Variants in INTS7 observed in about 807,000 individuals in gnomAD.
INTS7 encodes integrator complex subunit 7.
INTS7 carries 46 observed loss-of-function variants against 109.2 expected under a neutral mutation model. That is an observed-to-expected ratio of 0.42 (90% CI 0.33 to 0.54). The LOEUF (loss-of-function observed/expected upper bound fraction) is 0.54, where lower values mean the gene tolerates loss of function less well. Ranked by LOEUF, INTS7 falls within the 20% of genes least tolerant of loss-of-function variation. INTS7 has a pLI of 0.07. For missense variants in INTS7, 929 were observed against 1,132.4 expected, an observed-to-expected ratio of 0.82 and a Z score of 2.58; for synonymous variants, 412 against 402.9, an observed-to-expected ratio of 1.02 and a Z score of -0.27.
intron 5 of INTS7, among the ~76,000 whole-genome samples, chr1:212,008,653 AGAAGCATTTT>A (rs1164523162): frequency 1.3e-5 from 2 of 152,172 alleles, no homozygotes; most frequent in Non-Finnish European, 2.9e-5. Flanking sequence ...AGGAGGTCTC[AGAAGCATTTT>A]GTATTAATAA....
In INTS7 at chr1:211,944,772, T is replaced by C. The variant is rs1662780958; in HGVS notation, c.2601+12A>G. 1.9e-6 allele frequency: 3 copies of C among 1,608,334 alleles called. No homozygotes were observed. Among genetic ancestry groups the C allele is most frequent in the African/African-American group, 1.3e-5 (1 of 74,926 alleles). On this transcript the variant is annotated intron_variant, in intron 19 of 19. Coordinates refer to ENST00000366994, the MANE Select transcript of INTS7 (RefSeq NM_015434.4). ...AAACCTGTATCACAATTCTGCCTCT[T>C]TTCTAAATTACCTTGTAGTCTTGTC...
chr1:212,011,481 CT>C, intron 4 of INTS7, 60 bp from the exon 5 acceptor site: 1 of 1,081,508 alleles, frequency 9.2e-7, no homozygotes, highest in Non-Finnish European at 1.4e-6. Context: ...TTTCTAAGGA[CT>C]TAAAAGAAAT....
intron 1 of INTS7, among the ~76,000 whole-genome samples, chr1:212,028,879 AAAC>A (rs1375938802): frequency 6.6e-6 from 1 of 152,240 alleles, no homozygotes; most frequent in Non-Finnish European, 1.5e-5. Context: ...TTTGCGTAAG[AAAC>A]AACAATGCTG....
chr1:211,957,572 C>G (rs918505721), intron 16 of INTS7, among the ~76,000 whole-genome samples: 7 of 151,972 alleles, frequency 4.6e-5, no homozygotes, highest in Admixed American at 4.6e-4. Context: ...ATCGGATTGT[C>G]GAGTTGTATG....
intron 8 of INTS7, among the ~76,000 whole-genome samples, chr1:211,986,503 C>T (rs535217295): frequency 3.9e-5 from 6 of 152,172 alleles, no homozygotes; most frequent in East Asian, 1.9e-4. Context: ...ATAAGAAAAA[C>T]GCCAGGGAGC....
chr1:211,954,092 C>A (rs867673793), intron 16 of INTS7, among the ~76,000 whole-genome samples: 1 of 152,194 alleles, frequency 6.6e-6, no homozygotes, highest in Non-Finnish European at 1.5e-5. Context: ...GATTGCCATT[C>A]TAACTGGTGT....
chr1:212,015,710 TAAAAAAAAAAAAAAA>T lies in INTS7; in HGVS notation c.509+1161_509+1175del, dbSNP rs58204818. On this transcript the variant is annotated intron_variant, in intron 4 of 19. Transcript: ENST00000366994. ...ACACCCAAGAATGATCAATAAATAC[TAAAAAAAAAAAAAAA>T]AAAAAAAAAAAAAAAAAAGTTAACT... Among the ~76,000 whole-genome samples the T allele has an allele frequency of 1.6e-3, 57 of 34,984 alleles. 1 individual carries two copies. Among genetic ancestry groups the T allele is most frequent in the African/African-American group, 5.2e-3 (44 of 8,490 alleles). The allele number at this position is 34,984 out of a possible 152,430, so 23.0% of individuals were successfully genotyped here.
chr1:211,982,154 C>T (rs1209723402), intron 9 of INTS7, among the ~76,000 whole-genome samples: 1 of 152,188 alleles, frequency 6.6e-6, no homozygotes, highest in Non-Finnish European at 1.5e-5. Flanking sequence ...AGGTAGACAA[C>T]AAAATATGTG....
At chr1:211,982,921 T>C (rs1386770466) in intron 8 of INTS7, 111 bp from the exon 9 acceptor site, 6 of 750,120 alleles carry the variant, frequency 8.0e-6, no homozygotes, top group East Asian at 2.8e-5. Flanking sequence ...ACAATAAACT[T>C]CAACAAAATT....
At chr1:211,998,055 C>T (rs1000675264) in intron 7 of INTS7, among the ~76,000 whole-genome samples, 1 of 152,128 alleles carries the variant, frequency 6.6e-6, no homozygotes, top group Non-Finnish European at 1.5e-5. Context: ...AACTCTTGGC[C>T]TCAAGCGATC....
intron 14 of INTS7, 22 bp downstream of exon 14, chr1:211,968,491 T>G (rs751427597): frequency 1.9e-6 from 3 of 1,589,164 alleles, no homozygotes; most frequent in Non-Finnish European, 1.7e-6. Context: ...AAATAAAAAA[T>G]GCACTGAAAG....
At chr1:212,020,373 C>A in intron 2 of INTS7, 105 bp from the exon 3 acceptor site, 1 of 710,442 alleles carries the variant, frequency 1.4e-6, no homozygotes, top group Non-Finnish European at 2.3e-6. Context: ...AAATATTTTT[C>A]AATCTTAACA....
intron 7 of INTS7, among the ~76,000 whole-genome samples, chr1:211,995,210 A>G (rs562108876): frequency 1.3e-5 from 2 of 152,328 alleles, no homozygotes; most frequent in Non-Finnish European, 2.9e-5. Flanking sequence ...CTTGATCAAA[A>G]TAGCAAAGAA....
chr1:211,968,879 G>A (rs1288102037), intron 13 of INTS7, among the ~76,000 whole-genome samples, 172 bp from the exon 14 acceptor site: 1 of 152,120 alleles, frequency 6.6e-6, no homozygotes, highest in Non-Finnish European at 1.5e-5. Flanking sequence ...GAAAAATATT[G>A]TTATTAAACA....
intron 1 of INTS7, among the ~76,000 whole-genome samples, chr1:212,023,218 G>A (rs1666782466): frequency 6.6e-6 from 1 of 152,170 alleles, no homozygotes; most frequent in Admixed American, 6.5e-5. Context: ...AAACATATGA[G>A]TACATGTGTC....
At chr1:212,012,470 G>C (rs1433939217) in intron 4 of INTS7, among the ~76,000 whole-genome samples, 1 of 152,030 alleles carries the variant, frequency 6.6e-6, no homozygotes, top group Non-Finnish European at 1.5e-5. Context: ...TATAAGTCTT[G>C]TCAGCTGGCC....
At chr1:212,018,712 GACT>G (rs1666557277) in intron 3 of INTS7, among the ~76,000 whole-genome samples, 1 of 151,886 alleles carries the variant, frequency 6.6e-6, no homozygotes, top group East Asian at 1.9e-4. Flanking sequence ...GATACTATTT[GACT>G]ACTTTTTAAA....
chr1:211,954,903 C>T (rs1205080985), intron 16 of INTS7, among the ~76,000 whole-genome samples: 1 of 151,992 alleles, frequency 6.6e-6, no homozygotes, highest in Admixed American at 6.6e-5. Flanking sequence ...TCCATATGAA[C>T]TTTAAAGTAG....
At chr1:211,966,313 T>A (rs1195417009) in intron 16 of INTS7, 117 bp downstream of exon 16, 1 of 540,446 alleles carries the variant, frequency 1.9e-6, no homozygotes, top group Non-Finnish European at 3.3e-6. Context: ...GCTGAAGAAT[T>A]CTTCCACTTT....
Sources: gnomAD v4.1 joint callset for allele counts (sites outside exome capture counted in the v4.1 genomes callset) on GRCh38, gnomAD v4.1.1 for gene constraint, MANE v1.5 for transcripts, NCBI Gene and HGNC (gene_info 2026-07-23, HGNC 2026-07-21) for gene names.